Variants in EPB41L4A observed in about 807,000 individuals in gnomAD.
The protein encoded by EPB41L4A is band 4.1-like protein 4A.
A neutral mutation model predicts 108.6 loss-of-function variants in EPB41L4A; 100 were observed. The observed-to-expected ratio is 0.92, with a 90% CI of 0.78 to 1.09. EPB41L4A has a LOEUF of 1.09. Among genes scored for constraint, EPB41L4A ranks in the 50% least tolerant of loss-of-function variants. EPB41L4A has a pLI of 0.00. For missense variants in EPB41L4A, 1,030 were observed against 842.7 expected (o/e 1.22, Z -2.75); for synonymous variants, 319 against 289.0 (o/e 1.10, Z -1.05).
intron 1 of EPB41L4A, among the ~76,000 whole-genome samples, chr5:112,311,129 G>A (rs1464551814): frequency 6.6e-6 from 1 of 152,132 alleles, no homozygotes; most frequent in African/African-American, 2.4e-5. Flanking sequence ...CTCCTGAGTA[G>A]CTGGGACTAC....
intron 12 of EPB41L4A, among the ~76,000 whole-genome samples, chr5:112,154,006 T>A (rs1049333042): frequency 6.6e-6 from 1 of 152,218 alleles, no homozygotes; most frequent in Non-Finnish European, 1.5e-5. Context: ...GATATGTAGC[T>A]GGCACACACC....
intron 1 of EPB41L4A, among the ~76,000 whole-genome samples, chr5:112,375,629 C>G (rs980349231): frequency 2.6e-5 from 4 of 152,136 alleles, no homozygotes; most frequent in African/African-American, 7.2e-5. Context: ...GCTAAATGAA[C>G]TAAGAGAAAT....
Position 112,144,014 on chromosome 5 carries a change from T to G in EPB41L4A, n.1113-134A>C, listed in dbSNP as rs1005447058. 10 of 317,412 alleles carry G rather than the reference T, an allele frequency of 3.2e-5. No homozygotes were observed. In the Admixed American group the frequency reaches 3.6e-4, roughly 11 times the overall value. The allele number at this position is 317,412 out of a possible 1,614,324, so 19.7% of individuals were successfully genotyped here. A position where few individuals can be genotyped will look rare whatever the true frequency, so the allele number is the denominator to read the frequency against. ...TTATCACTGGACTGGATCTTTGGACTTGAAGCCTATAGTCCACTAAGGCAG... is the reference window on the plus strand; with the variant it reads ...TTATCACTGGACTGGATCTTTGGACGTGAAGCCTATAGTCCACTAAGGCAG... On this transcript the variant is annotated intron_variant and non_coding_transcript_variant, in intron 13 of 13. Transcript: ENST00000507810.
Position 112,167,740 on chromosome 5 carries a change from C to T in EPB41L4A, c.1932+999G>A, listed in dbSNP as rs149737466. 3.5e-3 allele frequency among the ~76,000 whole-genome samples: 533 copies of T among 152,202 alleles called. 14 individuals are homozygous for T. The South Asian group carries it at 0.051, about 15-fold the overall frequency. ...CTTTCTCCCCAACAACTATGGATCC[C>T]GTGGGCACTTTCCAACAAGCTTCCT... On this transcript the variant is annotated intron_variant, in intron 22 of 22. Transcript: ENST00000261486.
At chr5:112,307,336 AG>A (rs1754755101) in intron 2 of EPB41L4A, 49 bp downstream of exon 2, 2 of 1,208,274 alleles carry the variant, frequency 1.7e-6, no homozygotes, top group Middle Eastern at 1.9e-4. Context: ...AGCCAGAGAT[AG>A]AGTGAAATTT....
At chr5:112,212,684 T>C (rs1747279896) in intron 12 of EPB41L4A, among the ~76,000 whole-genome samples, 1 of 152,122 alleles carries the variant, frequency 6.6e-6, no homozygotes, top group African/African-American at 2.4e-5. Flanking sequence ...TTAATATAAA[T>C]GAAAAGGAGC....
At chr5:112,403,550 C>T (rs529739427) in intron 1 of EPB41L4A, among the ~76,000 whole-genome samples, 1 of 152,112 alleles carries the variant, frequency 6.6e-6, no homozygotes, top group African/African-American at 2.4e-5. Context: ...CTTACTGCAA[C>T]CTCTAACTCC....
intron 1 of EPB41L4A, among the ~76,000 whole-genome samples, chr5:112,319,578 A>G (rs559673520): frequency 8.9e-4 from 135 of 152,338 alleles, no homozygotes; most frequent in Non-Finnish European, 1.5e-3. Context: ...TTCCTGCTAA[A>G]AAATAGATAA....
chr5:112,223,290 C>G (rs955416041), intron 12 of EPB41L4A, among the ~76,000 whole-genome samples: 1 of 151,928 alleles, frequency 6.6e-6, no homozygotes, highest in African/African-American at 2.4e-5. Context: ...TATAACCTAC[C>G]AAAATAACCC....
chr5:112,310,671 G>C (rs2150587824), intron 1 of EPB41L4A, among the ~76,000 whole-genome samples: 1 of 152,256 alleles, frequency 6.6e-6, no homozygotes, highest in East Asian at 1.9e-4. Flanking sequence ...TCAGCTTTGA[G>C]TTACATTAAA....
intron 12 of EPB41L4A, among the ~76,000 whole-genome samples, chr5:112,231,814 A>AT: frequency 7.7e-6 from 1 of 130,124 alleles, no homozygotes; most frequent in South Asian, 2.3e-4. Context: ...AAAAAAAAAA[A>AT]AAGGATCCAC....
chr5:112,248,918 T>C (rs953130752), intron 9 of EPB41L4A, among the ~76,000 whole-genome samples: 2 of 152,226 alleles, frequency 1.3e-5, no homozygotes, highest in East Asian at 3.9e-4. Context: ...CCTGTTTTTG[T>C]TTTGGGAAAC....
intron 1 of EPB41L4A, among the ~76,000 whole-genome samples, chr5:112,355,195 G>GTAT (rs981873527): frequency 6.6e-5 from 10 of 152,230 alleles, no homozygotes; most frequent in African/African-American, 2.4e-4. Context: ...ACATGATAAA[G>GTAT]TATTCTCACT....
chr5:112,330,275 C>T (rs1307401396), intron 1 of EPB41L4A, among the ~76,000 whole-genome samples: 1 of 151,800 alleles, frequency 6.6e-6, no homozygotes, highest in Admixed American at 6.6e-5. Flanking sequence ...GTATAAAGCA[C>T]CATATGGATA....
intron 11 of EPB41L4A, among the ~76,000 whole-genome samples, chr5:112,239,265 C>A (rs1000154742): frequency 6.6e-6 from 1 of 152,274 alleles, no homozygotes; most frequent in African/African-American, 2.4e-5. Context: ...AGGTTTGATG[C>A]ACAATATAAA....
chr5:112,148,056 G>A (rs1333952467), intron 12 of EPB41L4A, among the ~76,000 whole-genome samples: 2 of 139,642 alleles, frequency 1.4e-5, no homozygotes, highest in African/African-American at 6.1e-5. Flanking sequence ...AAAAATAAAC[G>A]CAAACACCAG....
chr5:112,152,815 C>G (rs533921624), intron 12 of EPB41L4A, among the ~76,000 whole-genome samples: 1 of 151,434 alleles, frequency 6.6e-6, no homozygotes, highest in African/African-American at 2.4e-5. Context: ...AAAAAATTCT[C>G]GAAGCAAAAA....
rs1334688230 is a variant in EPB41L4A, at chr5:112,307,485, T to G, written c.105A>C (p.Ser35=). 7.5e-6 allele frequency: 12 copies of G among 1,609,794 alleles called. No individual in the cohort carries two copies. Among genetic ancestry groups the G allele is most frequent in the Non-Finnish European group, 8.5e-6 (10 of 1,176,408 alleles). The change falls in exon 2 of 23, where the codon TCA becomes TCC. Residue 35 remains serine (S), a synonymous_variant. Coordinates refer to ENST00000261486, the MANE Select transcript of EPB41L4A (RefSeq NM_022140.5). ...GGTCAAGGACAACGGAACCTTTCGTTGACTTCTGCAAAAATAATTCAGTTT... is the reference window on the plus strand; with the variant it reads ...GGTCAAGGACAACGGAACCTTTCGTGGACTTCTGCAAAAATAATTCAGTTT... ...LTTQQQGIKK[S]TKGSVVLDHV...
At chr5:112,243,246 TACACACAC>T (rs1242155193) in intron 9 of EPB41L4A, among the ~76,000 whole-genome samples, 2 of 146,512 alleles carry the variant, frequency 1.4e-5, no homozygotes. Context: ...TATGTATATA[TACACACAC>T]ACACATATAT....
Sources: gnomAD v4.1 joint callset for allele counts (sites outside exome capture counted in the v4.1 genomes callset) on GRCh38, gnomAD v4.1.1 for gene constraint, MANE v1.5 for transcripts, NCBI Gene and HGNC (gene_info 2026-07-23, HGNC 2026-07-21) for gene names.